The following DYTN variants were observed in gnomAD, a reference collection of about 807,000 sequenced individuals.
The protein encoded by DYTN is dystrotelin.
In DYTN, 75 loss-of-function variants were observed where a neutral mutation model predicts 69.6. The observed-to-expected ratio is 1.08, with a 90% CI of 0.89 to 1.31. DYTN has a LOEUF of 1.31. Ranked by LOEUF, DYTN falls within the 50% of genes most tolerant of loss-of-function variation. DYTN has a pLI of 0.00. For missense variants in DYTN, 726 were observed against 688.4 expected (o/e 1.05, Z -0.61); for synonymous variants, 252 against 249.1 (o/e 1.01, Z -0.11).
intron 9 of DYTN, among the ~76,000 whole-genome samples, chr2:206,679,608 C>T (rs936688424): frequency 3.3e-5 from 5 of 152,146 alleles, no homozygotes; most frequent in African/African-American, 1.2e-4. Context: ...TATTTAAAAA[C>T]TATTTTTAAA....
intron 5 of DYTN, among the ~76,000 whole-genome samples, chr2:206,701,512 T>C (rs1699976647): frequency 6.6e-6 from 1 of 152,162 alleles, no homozygotes; most frequent in Admixed American, 6.5e-5. Flanking sequence ...TAGAGGACAA[T>C]ATGCTAAATG....
At chr2:206,690,032 G>A (rs1226539717) in intron 9 of DYTN, among the ~76,000 whole-genome samples, 2 of 152,192 alleles carry the variant, frequency 1.3e-5, no homozygotes, top group African/African-American at 4.8e-5. Context: ...TAATAAATAA[G>A]TAAGATATAG....
Position 206,699,889 on chromosome 2 carries a change from A to T in DYTN, c.557T>A (p.Val186Glu), listed in dbSNP as rs766507351. The change falls in exon 7 of 12, where the codon GTG becomes GAG. Residue 186 changes from valine to glutamate, a missense_variant and splice_region_variant. Physicochemically the swap from Val to Glu is moderately radical, Grantham distance 121. Transcript: ENST00000452335. ...ESATRSCFQG[V>E]LSPAIKEEKF... Reference sequence around the variant, plus strand: ...TTCTTCTTTGATTGCTGGGCTCAACACCTGAAAAACAATGGCACTCTAAGA... The same window carrying T: ...TTCTTCTTTGATTGCTGGGCTCAACTCCTGAAAAACAATGGCACTCTAAGA... 5 of 1,610,754 alleles carry T rather than the reference A, an allele frequency of 3.1e-6. No homozygotes were observed. The South Asian group carries it at 5.5e-5, about 18-fold the overall frequency.
At chr2:206,702,330 C>T (rs572301433) in intron 5 of DYTN, among the ~76,000 whole-genome samples, 10 of 152,250 alleles carry the variant, frequency 6.6e-5, no homozygotes, top group Non-Finnish European at 1.5e-4. Context: ...GCAGGCATTG[C>T]CTGCAAGCTC....
chr2:206,714,215 T>G (rs1054910554), intron 1 of DYTN, among the ~76,000 whole-genome samples: 1 of 152,232 alleles, frequency 6.6e-6, no homozygotes, highest in Non-Finnish European at 1.5e-5. Context: ...TTTCTTTTCT[T>G]TTTTGTTTTG....
At chr2:206,695,934 C>T (rs979128959) in intron 7 of DYTN, among the ~76,000 whole-genome samples, 13 of 152,148 alleles carry the variant, frequency 8.5e-5, no homozygotes, top group Admixed American at 4.6e-4. Flanking sequence ...TTTTCAACAC[C>T]TCTCTTAAGG....
At position 206,693,315 on chromosome 2, in the gene DYTN, T is replaced by A; in HGVS notation, c.840A>T (p.Ala280=). Residue 280 remains alanine (A), a synonymous_variant, in exon 9 of 12, where the codon GCA becomes GCT. Transcript: ENST00000452335. ...PVIEHCIQMS[A]MQNTKLLFRT... ...TGAAGAGAAGTTTTGTATTCTGCAT[T>A]GCTGACATCTGCTGAAAGGGCCAAC... 6.2e-7 allele frequency: 1 copy of A among 1,611,674 alleles called. No individual in the cohort carries two copies. The highest frequency in any genetic ancestry group is 8.5e-7 in the Non-Finnish European group (1 of 1,179,808).
chr2:206,683,892 G>C (rs963598327), intron 9 of DYTN, among the ~76,000 whole-genome samples: 13 of 151,690 alleles, frequency 8.6e-5, no homozygotes, highest in African/African-American at 2.7e-4. Flanking sequence ...ACTGAGGTCC[G>C]CTATAACCAC....
At chr2:206,703,342 C>A (rs1699994245) in intron 5 of DYTN, among the ~76,000 whole-genome samples, 1 of 152,152 alleles carries the variant, frequency 6.6e-6, no homozygotes, top group South Asian at 2.1e-4. Flanking sequence ...TCCCAGGCCC[C>A]CACCTGCTCG....
chr2:206,692,835 T>C (rs1026623496), intron 9 of DYTN, among the ~76,000 whole-genome samples: 3 of 152,034 alleles, frequency 2.0e-5, no homozygotes, highest in Non-Finnish European at 4.4e-5. Flanking sequence ...GTATTAATTC[T>C]GAATTAGCCT....
chr2:206,707,216 C>A (rs912318200), intron 3 of DYTN, 86 bp downstream of exon 3: 1 of 1,486,724 alleles, frequency 6.7e-7, no homozygotes, highest in African/African-American at 1.4e-5. Flanking sequence ...AAACCTCAAG[C>A]AAATATTAGC....
chr2:206,713,254 A>T (rs1196221399), intron 1 of DYTN, among the ~76,000 whole-genome samples: 3 of 152,234 alleles, frequency 2.0e-5, no homozygotes, highest in African/African-American at 7.2e-5. Context: ...AAGAATATTT[A>T]AAATCTATTC....
chr2:206,684,209 T>G (rs1699782935), intron 9 of DYTN, among the ~76,000 whole-genome samples: 1 of 152,230 alleles, frequency 6.6e-6, no homozygotes, highest in South Asian at 2.1e-4. Context: ...AGCATCTATG[T>G]TCTTCCCTCC....
intron 9 of DYTN, 139 bp downstream of exon 9, chr2:206,693,036 T>A (rs113726762): frequency 7.9e-7 from 1 of 1,265,530 alleles, no homozygotes; most frequent in Non-Finnish European, 1.0e-6. Flanking sequence ...AGGAAAAAAA[T>A]ATCTGAAGTC....
chr2:206,699,264 T>C (rs941562428), intron 7 of DYTN, among the ~76,000 whole-genome samples: 1 of 152,052 alleles, frequency 6.6e-6, no homozygotes, highest in Non-Finnish European at 1.5e-5. Context: ...TAAGATCCCA[T>C]CTCTACAAAA....
chr2:206,690,836 G>T (rs1023620356), intron 9 of DYTN, among the ~76,000 whole-genome samples: 1 of 152,182 alleles, frequency 6.6e-6, no homozygotes, highest in East Asian at 1.9e-4. Flanking sequence ...GGGTGGGATA[G>T]ATCTGGCTTA....
At chr2:206,699,653 TC>T in intron 7 of DYTN, 73 bp downstream of exon 7, 1 of 1,491,174 alleles carries the variant, frequency 6.7e-7, no homozygotes, top group Non-Finnish European at 8.9e-7. Context: ...CCAAAAAGAA[TC>T]TGAAGGGATG....
In DYTN at chr2:206,686,307, G is replaced by T. The variant is rs182704446; in HGVS notation, c.980+6868C>A. Among the ~76,000 whole-genome samples, 280 of 152,316 alleles carry T rather than the reference G, an allele frequency of 1.8e-3. 1 individual carries two copies. The highest frequency in any genetic ancestry group is 0.01 in the Middle Eastern group (3 of 294). ...AAATTCTGTTGAATTTCAAAGAAAA[G>T]ATATGATTAAAGGTGACTTTTGGAA... is the stretch of plus-strand genomic sequence containing the variant. On this transcript the variant is annotated intron_variant, in intron 9 of 11. Transcript: ENST00000452335.
chr2:206,690,982 T>C (rs2105896679), intron 9 of DYTN, among the ~76,000 whole-genome samples: 1 of 152,130 alleles, frequency 6.6e-6, no homozygotes, highest in Non-Finnish European at 1.5e-5. Context: ...CTAAAAACGA[T>C]GGGAAAACGA....
Sources: allele counts gnomAD v4.1 joint callset (sites outside exome capture counted in the v4.1 genomes callset), GRCh38; gene constraint gnomAD v4.1.1; transcripts MANE v1.5; gene names NCBI Gene and HGNC (gene_info 2026-07-23, HGNC 2026-07-21).